Variants in ITSN2 observed in about 807,000 individuals in gnomAD.
The protein encoded by ITSN2 is intersectin-2.
Under a neutral mutation model 243.7 loss-of-function variants are expected in ITSN2, and 156 were observed. The observed-to-expected ratio is 0.64, with a 90% CI of 0.56 to 0.73. The LOEUF (loss-of-function observed/expected upper bound fraction) is 0.73. ITSN2 is among the 30% of genes least tolerant of loss of function. The pLI is 0.00. For synonymous variants in ITSN2, 703 were observed against 699.9 expected (o/e 1.00, Z -0.07); for missense variants, 1,801 against 1,996.1 (o/e 0.90, Z 1.86).
intron 20 of ITSN2, among the ~76,000 whole-genome samples, chr2:24,269,397 C>A (rs1319215995): frequency 6.6e-6 from 1 of 152,214 alleles, no homozygotes; most frequent in African/African-American, 2.4e-5. Flanking sequence ...TAGGAAATGA[C>A]ACCATCATTA....
intron 22 of ITSN2, among the ~76,000 whole-genome samples, chr2:24,258,358 G>A (rs1228562426): frequency 6.6e-6 from 1 of 152,136 alleles, no homozygotes; most frequent in Non-Finnish European, 1.5e-5. Flanking sequence ...GTGTACTCAA[G>A]AAATGTATTC....
At chr2:24,336,695 T>A (rs1269796951) in intron 1 of ITSN2, among the ~76,000 whole-genome samples, 1 of 152,210 alleles carries the variant, frequency 6.6e-6, no homozygotes, top group African/African-American at 2.4e-5. Context: ...TTAGTCACTA[T>A]CTCCTATGTG....
chr2:24,206,810 T>C (rs530534125), intron 37 of ITSN2, among the ~76,000 whole-genome samples: 2 of 152,146 alleles, frequency 1.3e-5, no homozygotes, highest in East Asian at 3.9e-4. Context: ...GCCCGGAGGA[T>C]GATCGCAGCC....
At chr2:24,217,261 AT>A (rs1670055361) in intron 31 of ITSN2, among the ~76,000 whole-genome samples, 1 of 148,140 alleles carries the variant, frequency 6.8e-6, no homozygotes, top group South Asian at 2.2e-4. Context: ...AAAAAAAAAA[AT>A]ACACTTGGGT....
At chr2:24,218,615 G>C (rs529716182) in intron 30 of ITSN2, among the ~76,000 whole-genome samples, 1 of 152,284 alleles carries the variant, frequency 6.6e-6, no homozygotes, top group South Asian at 2.1e-4. Flanking sequence ...TGTGTTTGCA[G>C]GGTTCTCAAG....
At chr2:24,313,421 T>C (rs1375896975) in intron 4 of ITSN2, 39 bp downstream of exon 4, 1 of 1,552,492 alleles carries the variant, frequency 6.4e-7, no homozygotes. Context: ...AAAAACAAAA[T>C]ACTATCAGAA....
At chr2:24,325,311 G>A (rs376027583) in intron 2 of ITSN2, among the ~76,000 whole-genome samples, 18 of 152,090 alleles carry the variant, frequency 1.2e-4, no homozygotes, top group African/African-American at 4.4e-4. Context: ...TCAGGAAGCA[G>A]AGGCAGGAGG....
rs371101764 is a variant in ITSN2, at chr2:24,208,293, G to T, written c.4622C>A (p.Ala1541Glu). Reference protein sequence around the residue: ...ERTAWVQKIKAASEQYIDTEK... With the variant: ...ERTAWVQKIKEASEQYIDTEK... Reference sequence around the variant, plus strand: ...GGTGTCGATGTACTGCTCAGACGCCGCCTTGATCTTCTGCACCCAGGCGGT... The same window carrying T: ...GGTGTCGATGTACTGCTCAGACGCCTCCTTGATCTTCTGCACCCAGGCGGT... The change falls in exon 37 of 40, where the codon GCG becomes GAG. Residue 1541 changes from alanine to glutamate, a missense_variant. Physicochemically the swap from Ala to Glu is moderately radical, Grantham distance 107 (BLOSUM62 -1). This residue lies in a region of ITSN2 where 928 missense variants were observed against 1,065.4 expected (regional missense o/e 0.87). Coordinates refer to ENST00000355123, the MANE Select transcript of ITSN2 (RefSeq NM_006277.3). The T allele has an allele frequency of 1.2e-6, 2 of 1,612,376 alleles. No homozygotes were observed. The highest frequency in any genetic ancestry group is 1.1e-5 in the South Asian group (1 of 91,062).
chr2:24,291,844 C>T (rs1320673478), intron 15 of ITSN2, among the ~76,000 whole-genome samples: 1 of 152,028 alleles, frequency 6.6e-6, no homozygotes, highest in Non-Finnish European at 1.5e-5. Flanking sequence ...GTTTTAATAC[C>T]AAATTTGATG....
chr2:24,315,340 G>T, intron 2 of ITSN2, 116 bp from the exon 3 acceptor site: 1 of 573,590 alleles, frequency 1.7e-6, no homozygotes, highest in South Asian at 2.6e-5. Context: ...ATATTTGAGT[G>T]ACACAAAGAG....
chr2:24,349,557 T>C (rs1210627834), intron 1 of ITSN2, among the ~76,000 whole-genome samples: 1 of 152,152 alleles, frequency 6.6e-6, no homozygotes, highest in Non-Finnish European at 1.5e-5. Context: ...AATGATAACA[T>C]ACACAAACCC....
intron 29 of ITSN2, among the ~76,000 whole-genome samples, chr2:24,229,870 C>T (rs1427153316): frequency 6.6e-6 from 1 of 152,116 alleles, no homozygotes; most frequent in African/African-American, 2.4e-5. Flanking sequence ...CTCATATCCT[C>T]CCACCTCACT....
intron 2 of ITSN2, among the ~76,000 whole-genome samples, chr2:24,323,061 A>T (rs1684767537): frequency 6.6e-6 from 1 of 152,014 alleles, no homozygotes; most frequent in Non-Finnish European, 1.5e-5. Flanking sequence ...AAAAAACAAC[A>T]CGGAGTGCTG....
chr2:24,255,921 C>T (rs1350298802), intron 23 of ITSN2, among the ~76,000 whole-genome samples: 1 of 151,670 alleles, frequency 6.6e-6, no homozygotes, highest in African/African-American at 2.4e-5. Context: ...GGCATGGTTG[C>T]ACATGCCAGT....
intron 29 of ITSN2, chr2:24,239,733 GAACA>G (rs1233297092): frequency 6.6e-6 from 1 of 152,056 alleles, no homozygotes; most frequent in African/African-American, 2.4e-5. Context: ...ATGAGGAAGA[GAACA>G]AATACTTGGC....
At chr2:24,305,970 T>C (rs950270291) in intron 8 of ITSN2, among the ~76,000 whole-genome samples, 1 of 152,272 alleles carries the variant, frequency 6.6e-6, no homozygotes, top group East Asian at 1.9e-4. Context: ...TACTCTTAAG[T>C]GTGCTGCCTA....
At chr2:24,254,485 A>G in intron 23 of ITSN2, 54 bp from the exon 24 acceptor site, 1 of 1,427,650 alleles carries the variant, frequency 7.0e-7, no homozygotes, top group Non-Finnish European at 9.8e-7. Flanking sequence ...AAGCAAAAAT[A>G]AGAAAGGTGA....
intron 1 of ITSN2, among the ~76,000 whole-genome samples, chr2:24,336,733 A>T (rs760323810): frequency 6.6e-6 from 1 of 152,190 alleles, no homozygotes; most frequent in Non-Finnish European, 1.5e-5. Flanking sequence ...ACACCACAAT[A>T]ACCTCATTTA....
chr2:24,319,505 T>C (rs1252227203), intron 2 of ITSN2, among the ~76,000 whole-genome samples: 2 of 152,046 alleles, frequency 1.3e-5, no homozygotes, highest in African/African-American at 4.8e-5. Flanking sequence ...CCAGAAAATG[T>C]ATCTCCTGTC....
Sources: allele counts gnomAD v4.1 joint callset (sites outside exome capture counted in the v4.1 genomes callset), GRCh38; gene constraint gnomAD v4.1.1; regional missense constraint gnomAD v4.1.1; transcripts MANE v1.5; gene names NCBI Gene and HGNC (gene_info 2026-07-23, HGNC 2026-07-21).